Variants in PDLIM5 observed in about 807,000 individuals in gnomAD.
PDLIM5 encodes PDZ and LIM domain 5, also known as PDZ and LIM domain protein 5.
A neutral mutation model predicts 64.2 loss-of-function variants in PDLIM5; 34 were observed. The ratio of observed to expected loss-of-function variants is 0.53; its 90% CI spans 0.40 to 0.71. The LOEUF is 0.71. Ranked by LOEUF, PDLIM5 falls within the 30% of genes least tolerant of loss-of-function variation. The pLI is 0.00. For synonymous variants in PDLIM5, 253 were observed against 269.1 expected (o/e 0.94, Z 0.59); for missense variants, 683 against 733.6 (o/e 0.93, Z 0.80).
At chr4:94,635,033 A>G (rs1474045964) in intron 8 of PDLIM5, among the ~76,000 whole-genome samples, 7 of 152,180 alleles carry the variant, frequency 4.6e-5, no homozygotes, top group Admixed American at 2.0e-4. Context: ...AGGTTTGACT[A>G]TCAGTGTTGA....
Position 94,597,078 on chromosome 4 carries a change from A to T in PDLIM5, c.920+10634A>T, listed in dbSNP as rs191576795. On this transcript the variant is annotated intron_variant, in intron 7 of 12. Coordinates refer to ENST00000317968, the MANE Select transcript of PDLIM5 (RefSeq NM_006457.5). Reference sequence around the variant, plus strand: ...AAACTAAGGTGACACCTGTTGCGGAATTTTCAAGTTAGTGGTACACACTTA... The same window carrying T: ...AAACTAAGGTGACACCTGTTGCGGATTTTTCAAGTTAGTGGTACACACTTA... 3.9e-3 allele frequency among the ~76,000 whole-genome samples: 601 copies of T among 152,212 alleles called. 6 individuals are homozygous for T. The highest frequency in any genetic ancestry group is 0.014 in the African/African-American group (567 of 41,560).
Position 94,599,863 on chromosome 4 carries a change from A to G in PDLIM5, c.920+13419A>G, listed in dbSNP as rs548399648. Among the ~76,000 whole-genome samples the G allele has an allele frequency of 1.7e-3, 261 of 152,320 alleles. 3 individuals are homozygous for G. Among genetic ancestry groups the G allele is most frequent in the Non-Finnish European group, 4.7e-4 (32 of 68,024 alleles). On this transcript the variant is annotated intron_variant, in intron 7 of 12. Coordinates refer to ENST00000317968, the MANE Select transcript of PDLIM5 (RefSeq NM_006457.5). The stretch of plus-strand genomic sequence containing the variant: ...CAGTAATGAGGAGGACACTTGCTCC[A>G]TCTCCAGGTTTATAAGAATAAGGCA...
intron 2 of PDLIM5, among the ~76,000 whole-genome samples, chr4:94,478,096 A>C (rs1725490673): frequency 6.6e-6 from 1 of 151,960 alleles, no homozygotes; most frequent in Non-Finnish European, 1.5e-5. Context: ...TCTCTACTAA[A>C]AATACAAAAA....
chr4:94,652,431 C>T (rs907208050), intron 9 of PDLIM5, among the ~76,000 whole-genome samples: 2 of 152,190 alleles, frequency 1.3e-5, no homozygotes, highest in African/African-American at 4.8e-5. Flanking sequence ...TAACCAGTTG[C>T]CCACCTGGCG....
intron 3 of PDLIM5, among the ~76,000 whole-genome samples, chr4:94,545,374 T>G (rs1732218645): frequency 6.6e-6 from 1 of 152,234 alleles, no homozygotes; most frequent in African/African-American, 2.4e-5. Flanking sequence ...TAATATTTGC[T>G]TTGCCTATTT....
chr4:94,513,569 C>T (rs1335316106), intron 2 of PDLIM5, among the ~76,000 whole-genome samples: 4 of 152,246 alleles, frequency 2.6e-5, no homozygotes, highest in Non-Finnish European at 5.9e-5. Flanking sequence ...ACTTTGTATC[C>T]TGCAACTTTA....
At position 94,560,556 on chromosome 4, in the gene PDLIM5, A is replaced by G. The variant is rs964704788; in HGVS notation, c.249-12795A>G. On this transcript the variant is annotated intron_variant, in intron 3 of 12. Coordinates refer to ENST00000317968, the MANE Select transcript of PDLIM5 (RefSeq NM_006457.5). ...TAAATCCCTTGTTATTACTGTTCCC[A>G]TCTTACAGGCAAGGAAACTGAGAGG... 1.2e-4 allele frequency among the ~76,000 whole-genome samples: 18 copies of G among 152,298 alleles called. No homozygotes were observed. In the East Asian group the frequency reaches 2.3e-3, roughly 20 times the overall value.
intron 3 of PDLIM5, among the ~76,000 whole-genome samples, chr4:94,545,271 G>C (rs1014930039): frequency 3.3e-5 from 5 of 152,176 alleles, no homozygotes; most frequent in Non-Finnish European, 5.9e-5. Context: ...CATCACAAAT[G>C]ATGGAGCCTG....
intron 2 of PDLIM5, among the ~76,000 whole-genome samples, chr4:94,487,170 G>GT (rs1392564147): frequency 4.6e-5 from 7 of 151,940 alleles, no homozygotes; most frequent in South Asian, 2.1e-4. Flanking sequence ...TCTTTTTTGG[G>GT]TTTTTTGCTA....
intron 2 of PDLIM5, among the ~76,000 whole-genome samples, chr4:94,476,425 TTATACA>T (rs1316387766): frequency 1.3e-5 from 2 of 152,140 alleles, no homozygotes; most frequent in African/African-American, 2.4e-5. Context: ...ATTATAAAAA[TTATACA>T]TATATATATT....
At chr4:94,597,682 A>T (rs752442081) in intron 7 of PDLIM5, among the ~76,000 whole-genome samples, 1 of 151,722 alleles carries the variant, frequency 6.6e-6, no homozygotes, top group African/African-American at 2.4e-5. Flanking sequence ...GGACTTACAG[A>T]TGAGATTCAC....
chr4:94,577,029 A>G (rs1245931826), intron 5 of PDLIM5, among the ~76,000 whole-genome samples: 1 of 152,216 alleles, frequency 6.6e-6, no homozygotes, highest in East Asian at 1.9e-4. Flanking sequence ...CTTGCAAAGA[A>G]AAAAGTAAAG....
intron 5 of PDLIM5, among the ~76,000 whole-genome samples, chr4:94,585,292 G>A (rs904571268): frequency 6.6e-6 from 1 of 151,848 alleles, no homozygotes; most frequent in Non-Finnish European, 1.5e-5. Flanking sequence ...GAGTTTCACT[G>A]TGTTAGCCAG....
At chr4:94,514,116 C>A (rs1337306629) in intron 2 of PDLIM5, among the ~76,000 whole-genome samples, 5 of 147,058 alleles carry the variant, frequency 3.4e-5, no homozygotes, top group Non-Finnish European at 7.5e-5. Context: ...TTGTTGAATT[C>A]GGTTTGCTAG....
Position 94,615,693 on chromosome 4 carries a change from G to A in PDLIM5, c.921-2311G>A, listed in dbSNP as rs941191989. ...GGCTAAATGGCTAAATTCGTTGTGC[G>A]GCATTCCATCCTCTGCTTAAGTGGC... On this transcript the variant is annotated intron_variant, in intron 7 of 12. Coordinates refer to ENST00000317968, the MANE Select transcript of PDLIM5 (RefSeq NM_006457.5). Among the ~76,000 whole-genome samples, 11 of 152,216 alleles carry A rather than the reference G, an allele frequency of 7.2e-5. No homozygotes were observed. In the Middle Eastern group the frequency reaches 0.01, roughly 141 times the overall value.
chr4:94,526,380 A>G (rs1395053332), intron 3 of PDLIM5, among the ~76,000 whole-genome samples: 1 of 152,222 alleles, frequency 6.6e-6, no homozygotes, highest in Non-Finnish European at 1.5e-5. Flanking sequence ...TGTTATAAAC[A>G]TTTGAGTATA....
intron 8 of PDLIM5, among the ~76,000 whole-genome samples, chr4:94,639,273 TG>T (rs1740814437): frequency 6.6e-6 from 1 of 152,154 alleles, no homozygotes; most frequent in Non-Finnish European, 1.5e-5. Context: ...CAGAGACCAC[TG>T]GGGGGATTTG....
chr4:94,575,880 A>C lies in PDLIM5; in HGVS notation c.556A>C (p.Ser186Arg). The C allele has an allele frequency of 6.2e-7, 1 of 1,614,140 alleles. No individual in the cohort carries two copies. The highest frequency in any genetic ancestry group is 1.1e-5 in the South Asian group (1 of 91,084). Residue 186 changes from serine (S) to arginine (R), a missense_variant, in exon 5 of 13, where the codon AGT becomes CGT. Coordinates refer to ENST00000317968, the MANE Select transcript of PDLIM5 (RefSeq NM_006457.5). ...ASGLHANANL[S>R]ADQSPSALSA... ...TGGACTGCATGCTAATGCCAATCTT[A>C]GTGCTGACCAGTCTCCATCTGCACT...
In PDLIM5 at chr4:94,520,305, C is replaced by T. The variant is rs192251532; in HGVS notation, c.97-3419C>T. ...TAGTTTGATTTATGCTGAGCTCGAC[C>T]CAGGAGCCTCCCACAACTGCTTCCT... On this transcript the variant is annotated intron_variant, in intron 2 of 12. Transcript: ENST00000317968. 4.7e-4 allele frequency among the ~76,000 whole-genome samples: 72 copies of T among 152,250 alleles called. 1 individual carries two copies. The highest frequency in any genetic ancestry group is 1.7e-3 in the African/African-American group (71 of 41,550).
Sources: allele counts gnomAD v4.1 joint callset (sites outside exome capture counted in the v4.1 genomes callset), GRCh38; gene constraint gnomAD v4.1.1; transcripts MANE v1.5; gene names NCBI Gene and HGNC (gene_info 2026-07-23, HGNC 2026-07-21).